The following TRDMT1 variants were observed in gnomAD, a reference collection of about 807,000 sequenced individuals.
TRDMT1 encodes the protein tRNA (cytosine(38)-C(5))-methyltransferase.
TRDMT1 carries 49 observed loss-of-function variants against 51.2 expected under a neutral mutation model. The observed-to-expected ratio is 0.96, with a 90% CI of 0.76 to 1.21. The LOEUF (loss-of-function observed/expected upper bound fraction) is 1.21, where lower values mean the gene tolerates loss of function less well. Ranked by LOEUF, TRDMT1 falls within the 50% of genes most tolerant of loss-of-function variation. The probability of loss-of-function intolerance (pLI) is 0.00; values close to 1 mark genes in which losing one functional copy is unlikely to be tolerated. For missense variants in TRDMT1, 534 were observed against 462.3 expected (o/e 1.16, Z -1.42); for synonymous variants, 187 against 164.6 (o/e 1.14, Z -1.04).
intron 1 of TRDMT1, among the ~76,000 whole-genome samples, chr10:17,178,315 G>A (rs1842862486): frequency 6.6e-6 from 1 of 152,160 alleles, no homozygotes; most frequent in Non-Finnish European, 1.5e-5. Flanking sequence ...ATAAGGATCT[G>A]AACTTAAAAT....
chr10:17,174,232 A>G (rs878914493), intron 2 of TRDMT1, among the ~76,000 whole-genome samples: 4 of 152,244 alleles, frequency 2.6e-5, no homozygotes, highest in Admixed American at 2.0e-4. Flanking sequence ...TATATATTGC[A>G]TAAGTATTTA....
intron 1 of TRDMT1, among the ~76,000 whole-genome samples, chr10:17,187,234 T>C (rs553104472): frequency 2.7e-4 from 41 of 152,268 alleles, no homozygotes; most frequent in African/African-American, 8.9e-4. Flanking sequence ...TTTTAACAAA[T>C]GTATTACTAA....
At position 17,143,445 on chromosome 10, in the gene TRDMT1, T is replaced by A. The variant is rs759213383; in HGVS notation, c.*5595A>T. On this transcript the variant is annotated 3_prime_UTR_variant, in exon 11 of 11. Coordinates refer to ENST00000377799, the MANE Select transcript of TRDMT1 (RefSeq NM_004412.7). ...TCTTAAATATGAAAGTCAACTCATTTCTACTACACAAGGAGTATCACATTC... is the reference window on the plus strand; with the variant it reads ...TCTTAAATATGAAAGTCAACTCATTACTACTACACAAGGAGTATCACATTC... 1.8e-5 allele frequency: 18 copies of A among 985,474 alleles called. No individual in the cohort carries two copies. Among genetic ancestry groups the A allele is most frequent in the Non-Finnish European group, 2.2e-5 (18 of 829,934 alleles). The allele number at this position is 985,474 out of a possible 1,614,324, so 61.0% of individuals were successfully genotyped here.
At position 17,139,030 on chromosome 10, in the gene TRDMT1, G is replaced by A. The variant is rs75142800; in HGVS notation, c.*10010C>T. 0.036 allele frequency among the ~76,000 whole-genome samples: 5,545 copies of A among 152,174 alleles called. 320 individuals carry two copies. The highest frequency in any genetic ancestry group is 0.13 in the African/African-American group (5,240 of 41,492). Reference sequence around the variant, plus strand: ...GGAGATACTAATTGCTAGGATTAAAGGCTCCAAAAGCTAGTAAAAAAATCA... The same window carrying A: ...GGAGATACTAATTGCTAGGATTAAAAGCTCCAAAAGCTAGTAAAAAAATCA... On this transcript the variant is annotated 3_prime_UTR_variant, in exon 11 of 11. Coordinates refer to ENST00000377799, the MANE Select transcript of TRDMT1 (RefSeq NM_004412.7).
At chr10:17,189,748 T>A (rs765252272) in intron 1 of TRDMT1, among the ~76,000 whole-genome samples, 1 of 152,158 alleles carries the variant, frequency 6.6e-6, no homozygotes, top group African/African-American at 2.4e-5. Context: ...ATGATTTCAA[T>A]TTAACTAGAA....
chr10:17,195,277 A>G (rs148048757), intron 1 of TRDMT1, among the ~76,000 whole-genome samples: 194 of 152,352 alleles, frequency 1.3e-3, no homozygotes, highest in Middle Eastern at 0.01. Flanking sequence ...GCAGCCATAA[A>G]AAAGAACAAA....
chr10:17,146,886 T>A lies in TRDMT1; in HGVS notation c.*2154A>T. 1.0e-6 allele frequency: 1 copy of A among 982,524 alleles called. No individual in the cohort carries two copies. The highest frequency in any genetic ancestry group is 1.2e-6 in the Non-Finnish European group (1 of 828,634). The allele number at this position is 982,524 out of a possible 1,614,324, so 60.9% of individuals were successfully genotyped here. On this transcript the variant is annotated 3_prime_UTR_variant, in exon 11 of 11. Coordinates refer to ENST00000377799, the MANE Select transcript of TRDMT1 (RefSeq NM_004412.7). Reference sequence around the variant, plus strand: ...AATGACACTGGTAGATACATCTTCATTAAGATGTGAGTTTTATGCTTGTTA... The same window carrying A: ...AATGACACTGGTAGATACATCTTCAATAAGATGTGAGTTTTATGCTTGTTA...
rs760842628 is a variant in TRDMT1 at position 17,139,985 on chromosome 10, G to C, written c.*9055C>G. Among the ~76,000 whole-genome samples, 29 of 144,184 alleles carry C rather than the reference G, an allele frequency of 2.0e-4. No individual in the cohort carries two copies. Among genetic ancestry groups the C allele is most frequent in the Non-Finnish European group, 3.7e-4 (25 of 66,730 alleles). The allele number at this position is 144,184 out of a possible 152,430, so 94.6% of individuals were successfully genotyped here. ...TAGAAGAGACATAAACAATACCCTAGGAGTTATACACAATTTTGGCATTAA... is the reference window on the plus strand; with the variant it reads ...TAGAAGAGACATAAACAATACCCTACGAGTTATACACAATTTTGGCATTAA... On this transcript the variant is annotated 3_prime_UTR_variant, in exon 11 of 11. Transcript: ENST00000377799.
At chr10:17,183,763 C>G (rs1322376513) in intron 1 of TRDMT1, among the ~76,000 whole-genome samples, 2 of 152,134 alleles carry the variant, frequency 1.3e-5, no homozygotes, top group Admixed American at 6.5e-5. Flanking sequence ...AAAAAAATGA[C>G]TCTTATTTTG....
chr10:17,188,891 A>G (rs1844309910), intron 1 of TRDMT1, among the ~76,000 whole-genome samples: 1 of 152,214 alleles, frequency 6.6e-6, no homozygotes, highest in African/African-American at 2.4e-5. Flanking sequence ...GCTTGTTTAC[A>G]ATAACATCCA....
intron 3 of TRDMT1, among the ~76,000 whole-genome samples, chr10:17,168,602 G>A (rs1478272612): frequency 1.3e-5 from 2 of 152,134 alleles, no homozygotes; most frequent in South Asian, 2.1e-4. Context: ...CAGTGAATAA[G>A]TCTCATGAGA....
chr10:17,200,746 A>T (rs1846045419), intron 1 of TRDMT1, among the ~76,000 whole-genome samples: 1 of 152,188 alleles, frequency 6.6e-6, no homozygotes, highest in African/African-American at 2.4e-5. Flanking sequence ...AAAGAAATCA[A>T]AAACCTCAAA....
intron 7 of TRDMT1, 26 bp from the exon 8 acceptor site, chr10:17,157,810 T>C (rs369477213): frequency 2.0e-6 from 3 of 1,486,850 alleles, no homozygotes; most frequent in Non-Finnish European, 2.7e-6. Flanking sequence ...AATACACAAA[T>C]TGTCAAAAGT....
chr10:17,153,359 G>A (rs1242384501), intron 10 of TRDMT1, 148 bp downstream of exon 10: 4 of 878,076 alleles, frequency 4.6e-6, no homozygotes, highest in Non-Finnish European at 6.9e-6. Flanking sequence ...GGGGAAAGAG[G>A]GCAGAAAGAT....
rs1367763798 is a variant in TRDMT1, at chr10:17,144,464, G to C, written c.*4576C>G. On this transcript the variant is annotated 3_prime_UTR_variant, in exon 11 of 11. Coordinates refer to ENST00000377799, the MANE Select transcript of TRDMT1 (RefSeq NM_004412.7). ...GAAAATTTCCGGTCTCATATTTATA[G>C]GAAAAATGAGATTTTGGAAGCTTTA... 4 of 985,484 alleles carry C rather than the reference G, an allele frequency of 4.1e-6. No homozygotes were observed. The highest frequency in any genetic ancestry group is 3.6e-6 in the Non-Finnish European group (3 of 829,920). The allele number at this position is 985,484 out of a possible 1,614,324, so 61.0% of individuals were successfully genotyped here. A position where few individuals can be genotyped will look rare whatever the true frequency, so the allele number is the denominator to read the frequency against.
chr10:17,190,433 C>CAAAAAAAAAA (rs36012341), intron 1 of TRDMT1, among the ~76,000 whole-genome samples: 1 of 128,094 alleles, frequency 7.8e-6, no homozygotes, highest in African/African-American at 3.1e-5. Flanking sequence ...AATAAAAGAG[C>CAAAAAAAAAA]AAAAAAAAAA....
chr10:17,162,649 C>A (rs1840564208), intron 3 of TRDMT1, among the ~76,000 whole-genome samples: 2 of 152,094 alleles, frequency 1.3e-5, no homozygotes, highest in East Asian at 1.9e-4. Context: ...TCCAGACCAG[C>A]CTGGCCAACA....
At chr10:17,159,483 T>C (rs935166124) in intron 6 of TRDMT1, among the ~76,000 whole-genome samples, 1 of 152,168 alleles carries the variant, frequency 6.6e-6, no homozygotes, top group African/African-American at 2.4e-5. Context: ...CACTTCCATT[T>C]TATATTTCCC....
At chr10:17,153,720 T>A (rs1457624511) in intron 9 of TRDMT1, 84 bp from the exon 10 acceptor site, 3 of 1,392,830 alleles carry the variant, frequency 2.2e-6, no homozygotes, top group Non-Finnish European at 2.9e-6. Flanking sequence ...TGAAACTCGA[T>A]GGACATACAG....
Sources: gnomAD v4.1 joint callset for allele counts (sites outside exome capture counted in the v4.1 genomes callset) on GRCh38, gnomAD v4.1.1 for gene constraint, MANE v1.5 for transcripts, NCBI Gene and HGNC (gene_info 2026-07-23, HGNC 2026-07-21) for gene names.